Variants in DPP10 observed in about 807,000 individuals in gnomAD.
DPP10 encodes inactive dipeptidyl peptidase 10.
A neutral mutation model predicts 120.9 loss-of-function variants in DPP10; 33 were observed. That is an observed-to-expected ratio of 0.27 (90% CI 0.21 to 0.37). The LOEUF (loss-of-function observed/expected upper bound fraction) is 0.37, where lower values mean the gene tolerates loss of function less well. DPP10 is among the 10% of genes least tolerant of loss of function. The pLI is 1.00. For missense variants in DPP10, 816 were observed against 942.8 expected (o/e 0.87, Z 1.76); for synonymous variants, 337 against 326.1 (o/e 1.03, Z -0.36).
chr2:115,353,188 T>C (rs935489318), intron 3 of DPP10, among the ~76,000 whole-genome samples: 6 of 152,014 alleles, frequency 3.9e-5, no homozygotes, highest in Admixed American at 6.6e-5. Context: ...GTCGTCTTTA[T>C]GGAAAAGATA....
chr2:115,322,152 A>C (rs1437271403), intron 2 of DPP10, among the ~76,000 whole-genome samples: 1 of 140,408 alleles, frequency 7.1e-6, no homozygotes, highest in African/African-American at 2.6e-5. Context: ...ACAGTTTGGA[A>C]CTCTTATAAT....
chr2:114,447,072 C>T (rs1043161191), intron 1 of DPP10, among the ~76,000 whole-genome samples: 1 of 146,256 alleles, frequency 6.8e-6, no homozygotes, highest in Non-Finnish European at 1.5e-5. Context: ...TCTCAGCTCA[C>T]TGCAACCTCC....
chr2:115,784,511 A>G (rs1683119450), intron 17 of DPP10, among the ~76,000 whole-genome samples: 1 of 152,210 alleles, frequency 6.6e-6, no homozygotes, highest in Non-Finnish European at 1.5e-5. Context: ...ATTATAACAT[A>G]TTAAAAATAA....
intron 1 of DPP10, chr2:115,297,423 C>T (rs1470708861): frequency 2.4e-5 from 4 of 164,012 alleles, no homozygotes; most frequent in African/African-American, 9.6e-5. Context: ...TTTTATATCA[C>T]ACTTTGATAT....
chr2:115,052,008 A>C (rs976863575), intron 1 of DPP10, among the ~76,000 whole-genome samples: 1 of 152,242 alleles, frequency 6.6e-6, no homozygotes, highest in Non-Finnish European at 1.5e-5. Context: ...AAAGAATTCG[A>C]GTTCAGAAAT....
At chr2:114,522,437 G>A (rs542297842) in intron 1 of DPP10, among the ~76,000 whole-genome samples, 1 of 152,020 alleles carries the variant, frequency 6.6e-6, no homozygotes, top group African/African-American at 2.4e-5. Context: ...ATAAATCAAA[G>A]AACTCTGGGT....
At chr2:115,690,157 G>A (rs1387548055) in intron 7 of DPP10, among the ~76,000 whole-genome samples, 1 of 151,996 alleles carries the variant, frequency 6.6e-6, no homozygotes, top group African/African-American at 2.4e-5. Flanking sequence ...TAAACTGCTG[G>A]TTTATAATGA....
At chr2:115,754,873 C>T (rs1441450772) in intron 11 of DPP10, among the ~76,000 whole-genome samples, 1 of 152,042 alleles carries the variant, frequency 6.6e-6, no homozygotes, top group African/African-American at 2.4e-5. Flanking sequence ...TTGATTATTG[C>T]ACCTTGTATA....
At chr2:115,828,130 ATATTT>A (rs1412479867) in intron 21 of DPP10, among the ~76,000 whole-genome samples, 1 of 151,864 alleles carries the variant, frequency 6.6e-6, no homozygotes, top group East Asian at 1.9e-4. Context: ...AATCTTTTAA[ATATTT>A]TATTATTTTC....
intron 5 of DPP10, among the ~76,000 whole-genome samples, chr2:115,586,598 C>T (rs935864557): frequency 6.6e-6 from 1 of 152,158 alleles, no homozygotes; most frequent in African/African-American, 2.4e-5. Context: ...TTCCCACAGG[C>T]TCACCTTCTT....
rs1172922527 is a variant in DPP10, at chr2:114,612,431, C to T, written c.60+169593C>T. On this transcript the variant is annotated intron_variant, in intron 1 of 25. Transcript: ENST00000410059. ...CCATTTACTCAGTAAAAGAGATGCT[C>T]TATTTTGAACTTTCTCAATTTGAAC... Among the ~76,000 whole-genome samples, 3 of 152,158 alleles carry T rather than the reference C, an allele frequency of 2.0e-5. No homozygotes were observed. The East Asian group carries it at 5.8e-4, about 29-fold the overall frequency.
intron 1 of DPP10, among the ~76,000 whole-genome samples, chr2:115,153,767 C>T (rs574803404): frequency 2.0e-5 from 3 of 152,202 alleles, no homozygotes; most frequent in African/African-American, 7.2e-5. Flanking sequence ...CCCTAAAATA[C>T]TTATTTCTAA....
At chr2:114,938,249 T>C (rs1450766743) in intron 1 of DPP10, among the ~76,000 whole-genome samples, 1 of 152,168 alleles carries the variant, frequency 6.6e-6, no homozygotes, top group Non-Finnish European at 1.5e-5. Context: ...GTATTTTACA[T>C]GTTACTTTTT....
At chr2:115,538,303 A>G (rs781500699) in intron 5 of DPP10, among the ~76,000 whole-genome samples, 6 of 152,184 alleles carry the variant, frequency 3.9e-5, no homozygotes, top group East Asian at 1.9e-4. Context: ...CTGAATAGCC[A>G]TATCCAGAGA....
chr2:114,971,926 C>G (rs572574863), intron 1 of DPP10, among the ~76,000 whole-genome samples: 1 of 152,320 alleles, frequency 6.6e-6, no homozygotes, highest in African/African-American at 2.4e-5. Flanking sequence ...ACCCCCAGGA[C>G]TCATCATGGA....
intron 13 of DPP10, among the ~76,000 whole-genome samples, chr2:115,776,484 T>A (rs1682109692): frequency 6.6e-6 from 1 of 152,148 alleles, no homozygotes; most frequent in Non-Finnish European, 1.5e-5. Flanking sequence ...ATGGTGTATA[T>A]GTGCCACATT....
rs529890020 is a variant in DPP10 at position 114,927,915 on chromosome 2, G to T, written c.61-381324G>T. Among the ~76,000 whole-genome samples the T allele has an allele frequency of 2.8e-4, 43 of 152,134 alleles. No individual in the cohort carries two copies. The South Asian group carries it at 8.9e-3, about 32-fold the overall frequency. ...ATCACAAGGCAAGTAGGGGGAGTAG[G>T]GGGAGGTTCTAGGCTCTTTTTATCA... On this transcript the variant is annotated intron_variant, in intron 1 of 25. Coordinates refer to ENST00000410059, the MANE Select transcript of DPP10 (RefSeq NM_020868.6).
At chr2:115,085,322 G>T (rs1708603683) in intron 1 of DPP10, among the ~76,000 whole-genome samples, 1 of 152,028 alleles carries the variant, frequency 6.6e-6, no homozygotes, top group Non-Finnish European at 1.5e-5. Flanking sequence ...GTGTATGTGT[G>T]AGCACGTGTG....
rs1301889560 is a variant in DPP10 at position 115,525,789 on chromosome 2, G to A, written c.367-109G>A. 8.9e-5 allele frequency: 64 copies of A among 722,210 alleles called. No homozygotes were observed. In the East Asian group the frequency reaches 1.7e-3, roughly 19 times the overall value. The allele number at this position is 722,210 out of a possible 1,614,324, so 44.7% of individuals were successfully genotyped here. A position where few individuals can be genotyped will look rare whatever the true frequency, so the allele number is the denominator to read the frequency against. On this transcript the variant is annotated intron_variant, in intron 4 of 25. Transcript: ENST00000410059. ...AATATGTATACAATATAAAAGAAAT[G>A]AGAATGCCATTTTATAGTGCTATGA...
Sources: gnomAD v4.1 joint callset for allele counts (sites outside exome capture counted in the v4.1 genomes callset) on GRCh38, gnomAD v4.1.1 for gene constraint, MANE v1.5 for transcripts, NCBI Gene and HGNC (gene_info 2026-07-23, HGNC 2026-07-21) for gene names.